Variants in ABCG2 observed in about 807,000 individuals in gnomAD.
ABCG2 encodes the protein broad substrate specificity ATP-binding cassette transporter ABCG2.
In ABCG2, 80 loss-of-function variants were observed where a neutral mutation model predicts 73.5. That is an observed-to-expected ratio of 1.09 (90% CI 0.91 to 1.31). The LOEUF (loss-of-function observed/expected upper bound fraction) is 1.31. ABCG2 is among the 50% of genes most tolerant of loss of function. ABCG2 has a pLI of 0.00. For missense variants in ABCG2, 796 were observed against 786.2 expected (o/e 1.01, Z -0.15); for synonymous variants, 269 against 282.4 (o/e 0.95, Z 0.48).
At chr4:88,112,598 T>C (rs1723216937) in intron 9 of ABCG2, among the ~76,000 whole-genome samples, 2 of 152,188 alleles carry the variant, frequency 1.3e-5, no homozygotes, top group African/African-American at 4.8e-5. Flanking sequence ...GCCCATTTTG[T>C]TCACTACTGA....
intron 14 of ABCG2, among the ~76,000 whole-genome samples, chr4:88,094,955 T>G (rs1030111911): frequency 6.6e-6 from 1 of 152,166 alleles, no homozygotes; most frequent in Non-Finnish European, 1.5e-5. Flanking sequence ...TGTAACTCCA[T>G]AAACATTCTA....
intron 9 of ABCG2, among the ~76,000 whole-genome samples, chr4:88,111,328 A>G (rs968990567): frequency 6.6e-6 from 1 of 152,228 alleles, no homozygotes; most frequent in Non-Finnish European, 1.5e-5. Flanking sequence ...CTATGCTCAA[A>G]GAATAAAATT....
intron 1 of ABCG2, among the ~76,000 whole-genome samples, chr4:88,229,365 AC>A (rs1730361722): frequency 6.6e-6 from 1 of 152,174 alleles, no homozygotes; most frequent in African/African-American, 2.4e-5. Flanking sequence ...TTGGCTGGAC[AC>A]AGTGGCTCAC....
At chr4:88,171,936 T>C (rs938526315) in intron 1 of ABCG2, among the ~76,000 whole-genome samples, 1 of 152,080 alleles carries the variant, frequency 6.6e-6, no homozygotes, top group African/African-American at 2.4e-5. Flanking sequence ...CAGTGTGCTA[T>C]GATTGTGCCT....
intron 2 of ABCG2, among the ~76,000 whole-genome samples, chr4:88,135,870 G>T (rs920696574): frequency 2.6e-5 from 4 of 152,104 alleles, no homozygotes; most frequent in Admixed American, 2.6e-4. Context: ...TATGGAATAG[G>T]AAAATTAGGA....
At chr4:88,132,680 A>C (rs566832204) in intron 2 of ABCG2, 45 bp from the exon 3 acceptor site, 1 of 1,604,282 alleles carries the variant, frequency 6.2e-7, no homozygotes, top group South Asian at 1.1e-5. Flanking sequence ...ATTTTAAGTC[A>C]GGTTCTATTA....
chr4:88,152,472 G>A (rs1726564565), intron 1 of ABCG2, among the ~76,000 whole-genome samples: 1 of 152,146 alleles, frequency 6.6e-6, no homozygotes, highest in African/African-American at 2.4e-5. Context: ...GATTTGGGTA[G>A]GTAAAGGGTA....
At chr4:88,152,485 G>C (rs966661320) in intron 1 of ABCG2, among the ~76,000 whole-genome samples, 1 of 152,144 alleles carries the variant, frequency 6.6e-6, no homozygotes, top group African/African-American at 2.4e-5. Context: ...AAAGGGTAAA[G>C]GGGGTTTGTT....
At chr4:88,112,876 G>C (rs919236877) in intron 9 of ABCG2, among the ~76,000 whole-genome samples, 1 of 152,184 alleles carries the variant, frequency 6.6e-6, no homozygotes, top group African/African-American at 2.4e-5. Flanking sequence ...CTGGGAGACT[G>C]AGGCAGGAGA....
chr4:88,124,540 C>CA lies in ABCG2; in HGVS notation c.532-2749dup, dbSNP rs1341678905. 2.0e-5 allele frequency among the ~76,000 whole-genome samples: 3 copies of CA among 152,176 alleles called. No homozygotes were observed. The East Asian group carries it at 5.8e-4, about 29-fold the overall frequency. ...GTCTCTGATAAAACAGACTTAAAAC[C>CA]AACAAAGATCAAAAAAGAGAAAGAA... On this transcript the variant is annotated intron_variant, in intron 5 of 15. Transcript: ENST00000237612.
At chr4:88,203,730 G>C (rs1729271540) in intron 1 of ABCG2, among the ~76,000 whole-genome samples, 1 of 145,750 alleles carries the variant, frequency 6.9e-6, no homozygotes, top group Non-Finnish European at 1.5e-5. Flanking sequence ...CTCCAGCCTG[G>C]GTGACAACAG....
At chr4:88,136,593 C>T (rs1035286879) in intron 2 of ABCG2, among the ~76,000 whole-genome samples, 1 of 152,162 alleles carries the variant, frequency 6.6e-6, no homozygotes, top group Admixed American at 6.5e-5. Flanking sequence ...GTGGTCCCAG[C>T]TACTCAGGAG....
intron 1 of ABCG2, among the ~76,000 whole-genome samples, chr4:88,191,537 A>T (rs1397579660): frequency 6.6e-6 from 1 of 151,916 alleles, no homozygotes; most frequent in African/African-American, 2.4e-5. Flanking sequence ...ATCACTTTGG[A>T]AAACAGTTTG....
chr4:88,127,339 A>G (rs1724500257), intron 5 of ABCG2, among the ~76,000 whole-genome samples: 1 of 152,230 alleles, frequency 6.6e-6, no homozygotes, highest in South Asian at 2.1e-4. Flanking sequence ...GAATGGCCAT[A>G]CTGCCCAAAG....
chr4:88,203,774 A>G (rs1309917477), intron 1 of ABCG2, among the ~76,000 whole-genome samples: 1 of 150,764 alleles, frequency 6.6e-6, no homozygotes, highest in Non-Finnish European at 1.5e-5. Context: ...AAAAAAAAGA[A>G]AGAAACTTAA....
At chr4:88,132,192 T>C (rs1165936002) in intron 3 of ABCG2, among the ~76,000 whole-genome samples, 1 of 152,192 alleles carries the variant, frequency 6.6e-6, no homozygotes, top group African/African-American at 2.4e-5. Context: ...ATCTCCCAAA[T>C]GGCCCTTCCA....
chr4:88,173,515 T>A (rs1454176690), intron 1 of ABCG2, among the ~76,000 whole-genome samples: 1 of 152,210 alleles, frequency 6.6e-6, no homozygotes, highest in Non-Finnish European at 1.5e-5. Flanking sequence ...AAGCTCCGAA[T>A]GCCTAATTTT....
chr4:88,148,383 A>C (rs1299277473), intron 1 of ABCG2, among the ~76,000 whole-genome samples: 1 of 152,200 alleles, frequency 6.6e-6, no homozygotes, highest in Admixed American at 6.5e-5. Context: ...GGTCATGTAT[A>C]CCATTCATGA....
chr4:88,164,209 A>G (rs1168319552), upstream of ABCG2, among the ~76,000 whole-genome samples: 2 of 152,004 alleles, frequency 1.3e-5, no homozygotes, highest in African/African-American at 4.8e-5. Context: ...TGGGATTACA[A>G]GCACTTGCCA....
Sources: allele counts gnomAD v4.1 joint callset (sites outside exome capture counted in the v4.1 genomes callset), GRCh38; gene constraint gnomAD v4.1.1; transcripts MANE v1.5; gene names NCBI Gene and HGNC (gene_info 2026-07-23, HGNC 2026-07-21).